Variants in TET3 observed in about 807,000 individuals in gnomAD.
The protein encoded by TET3 is tet methylcytosine dioxygenase 3, also known as methylcytosine dioxygenase TET3.
In TET3, 19 loss-of-function variants were observed where a neutral mutation model predicts 141.4. The observed-to-expected ratio is 0.13, with a 90% CI of 0.09 to 0.20. The LOEUF (loss-of-function observed/expected upper bound fraction) is 0.20, where lower values mean the gene tolerates loss of function less well. TET3 is among the 10% of genes least tolerant of loss of function. The pLI is 1.00. For missense variants in TET3, 1,874 were observed against 2,356.9 expected, an observed-to-expected ratio of 0.80 and a Z score of 4.24; for synonymous variants, 1,043 against 980.9, an observed-to-expected ratio of 1.06 and a Z score of -1.18.
chr2:74,042,578 C>CCTGT (rs1558738813), intron 3 of TET3, among the ~76,000 whole-genome samples: 1 of 152,222 alleles, frequency 6.6e-6, no homozygotes, highest in Non-Finnish European at 1.5e-5. Context: ...ACCTTTGTGA[C>CCTGT]CTGTCAGCCA....
At chr2:74,033,788 T>C (rs1686878112) in intron 3 of TET3, among the ~76,000 whole-genome samples, 1 of 152,194 alleles carries the variant, frequency 6.6e-6, no homozygotes, top group Non-Finnish European at 1.5e-5. Flanking sequence ...CTATTGAAAA[T>C]GACACCAGTA....
chr2:73,984,811 CCCGGCCGGG>C (rs1683912737), upstream of TET3, among the ~76,000 whole-genome samples: 1 of 146,698 alleles, frequency 6.8e-6, no homozygotes, highest in Non-Finnish European at 1.5e-5. The surrounding 1 kb of genome is among the most constrained non-coding windows in gnomAD (Gnocchi z 5.6). Flanking sequence ...CGGCCCGGGG[CCCGGCCGGG>C]CCGGCGGGGC....
chr2:74,053,328 T>A (rs1364573331), intron 4 of TET3, among the ~76,000 whole-genome samples: 1 of 152,224 alleles, frequency 6.6e-6, no homozygotes, highest in Non-Finnish European at 1.5e-5. Flanking sequence ...TTTGTGTATT[T>A]TGTCTATTTT....
intron 4 of TET3, among the ~76,000 whole-genome samples, chr2:74,061,517 G>T (rs1425002523): frequency 8.3e-5 from 12 of 143,938 alleles, no homozygotes; most frequent in African/African-American, 2.4e-4. Context: ...GGGCAGAGGG[G>T]CTCCTCACTT....
upstream of TET3, among the ~76,000 whole-genome samples, chr2:73,984,013 C>A (rs1446780706): frequency 2.6e-5 from 4 of 152,260 alleles, no homozygotes; most frequent in African/African-American, 9.6e-5. This position sits in a 1 kb window ranked among gnomAD's most constrained non-coding sequence, Gnocchi z 5.6. Flanking sequence ...AGTTTGGCAA[C>A]TTGGAAATAT....
Position 74,100,958 on chromosome 2 carries a change from C to G in TET3, c.4170C>G (p.Asn1390Lys). The G allele has an allele frequency of 6.2e-7, 1 of 1,611,690 alleles. No individual in the cohort carries two copies. ...CCTCCCCCTTTGCCCAGAGCTCCAACTGCTACAACAGATCCATCAAGCAAG... is the reference window on the plus strand; with the variant it reads ...CCTCCCCCTTTGCCCAGAGCTCCAAGTGCTACAACAGATCCATCAAGCAAG... ...RDPSPFAQSS[N>K]CYNRSIKQEP... is the part of the protein sequence containing the mutation. The change falls in exon 12 of 12, where the codon AAC becomes AAG. Residue 1390 changes from asparagine (N) to lysine (K), a missense_variant. Coordinates refer to ENST00000409262, the MANE Select transcript of TET3 (RefSeq NM_001287491.2).
intron 2 of TET3, among the ~76,000 whole-genome samples, chr2:73,999,813 A>G (rs1010029867): frequency 2.6e-5 from 4 of 152,122 alleles, no homozygotes; most frequent in African/African-American, 9.7e-5. Flanking sequence ...TACCGGCTGG[A>G]GGCAGAGTGG....
downstream of TET3, among the ~76,000 whole-genome samples, chr2:74,109,723 C>T (rs1386660746): frequency 1.3e-5 from 2 of 152,198 alleles, no homozygotes; most frequent in Non-Finnish European, 2.9e-5. Context: ...CCCCACCGTG[C>T]CCCCGTCTGT....
chr2:74,046,748 A>G lies in TET3; in HGVS notation c.831A>G (p.Pro277=). The G allele has an allele frequency of 6.2e-7, 1 of 1,613,888 alleles. No homozygotes were observed. The highest frequency in any genetic ancestry group is 8.5e-7 in the Non-Finnish European group (1 of 1,179,886). ...MKPPNCNCDG[P]ECPDYLEWLE... Reference sequence around the variant, plus strand: ...CACCCAACTGCAACTGCGATGGCCCAGAATGCCCTGACTACCTCGAGTGGC... The same window carrying G: ...CACCCAACTGCAACTGCGATGGCCCGGAATGCCCTGACTACCTCGAGTGGC... Residue 277 remains proline, a synonymous_variant, in exon 4 of 12, where the codon CCA becomes CCG. Coordinates refer to ENST00000409262, the MANE Select transcript of TET3 (RefSeq NM_001287491.2). The surrounding 1 kb of genome is among the most constrained non-coding windows in gnomAD (Gnocchi z 4.3).
In TET3 at chr2:74,047,604, C is replaced by G; in HGVS notation, c.1687C>G (p.Pro563Ala). 6.2e-7 allele frequency: 1 copy of G among 1,613,878 alleles called. No homozygotes were observed. Among genetic ancestry groups the G allele is most frequent in the Admixed American group, 1.7e-5 (1 of 60,012 alleles). ...TTCTGCTCCTGGCTGGTGGCCCCCA[C>G]CAAGTTCACCTGTCCCACGGCTTCC... ...EPSAPGWWPP[P>A]SSPVPRLPDR... Residue 563 changes from proline to alanine, a missense_variant, in exon 4 of 12, where the codon CCA becomes GCA. By Grantham distance (27) the Pro-to-Ala change is conservative. This residue lies in a region of TET3 where 484 missense variants were observed against 462.2 expected (regional missense o/e 1.05). Transcript: ENST00000409262.
At chr2:74,117,263 G>C in the TET3 span, among the ~76,000 whole-genome samples, 2 of 152,224 alleles carry the variant, frequency 1.3e-5, no homozygotes, top group East Asian at 3.9e-4. Flanking sequence ...TTTTAGTAGA[G>C]ATGGGGTTTC....
intron 5 of TET3, among the ~76,000 whole-genome samples, chr2:74,076,338 C>T (rs370144616): frequency 8.6e-5 from 13 of 150,936 alleles, no homozygotes; most frequent in Admixed American, 1.3e-4. Flanking sequence ...TCCATCTTTA[C>T]GTTGCCTGCT....
intron 5 of TET3, among the ~76,000 whole-genome samples, chr2:74,075,227 C>G (rs900506478): frequency 6.6e-6 from 1 of 151,720 alleles, no homozygotes; most frequent in African/African-American, 2.4e-5. Flanking sequence ...TATGCTTGCC[C>G]ATACATATAC....
intron 4 of TET3, among the ~76,000 whole-genome samples, chr2:74,071,054 G>T (rs1204920060): frequency 6.6e-6 from 1 of 152,202 alleles, no homozygotes; most frequent in African/African-American, 2.4e-5. Context: ...AGAATGCTAA[G>T]ATCAAGGCAC....
At chr2:74,099,702 T>A in intron 11 of TET3, 90 bp downstream of exon 11, 1 of 1,295,674 alleles carries the variant, frequency 7.7e-7, no homozygotes, top group Non-Finnish European at 1.0e-6. Context: ...TGCATCACAC[T>A]GGAACTGGGG....
intron 2 of TET3, among the ~76,000 whole-genome samples, chr2:73,991,413 A>T (rs1179728360): frequency 6.6e-6 from 1 of 151,874 alleles, no homozygotes; most frequent in Non-Finnish European, 1.5e-5. Flanking sequence ...GAGAAACCCC[A>T]TCTCTACTAA....
chr2:74,066,220 T>C (rs1278543781), intron 4 of TET3, among the ~76,000 whole-genome samples: 1 of 152,240 alleles, frequency 6.6e-6, no homozygotes, highest in Non-Finnish European at 1.5e-5. Flanking sequence ...GAGGTTTTAC[T>C]TCTTTGATTT....
At chr2:74,077,852 G>A (rs1021261256) in intron 5 of TET3, among the ~76,000 whole-genome samples, 5 of 152,240 alleles carry the variant, frequency 3.3e-5, no homozygotes, top group Non-Finnish European at 1.5e-5. Flanking sequence ...TCTCCCAACA[G>A]GGATCTCCAC....
chr2:74,088,595 T>G (rs538496877), intron 7 of TET3, among the ~76,000 whole-genome samples: 2 of 152,208 alleles, frequency 1.3e-5, no homozygotes, highest in Non-Finnish European at 2.9e-5. Context: ...GAGCTGAGAT[T>G]GCACCACTGC....
Sources: allele counts gnomAD v4.1 joint callset (sites outside exome capture counted in the v4.1 genomes callset), GRCh38; gene constraint gnomAD v4.1.1; regional missense constraint gnomAD v4.1.1; non-coding constraint Gnocchi (gnomAD v3.1); transcripts MANE v1.5; gene names NCBI Gene and HGNC (gene_info 2026-07-23, HGNC 2026-07-21).